Variants in ADAMTSL3 observed in about 807,000 individuals in gnomAD.
ADAMTSL3 encodes ADAMTS-like protein 3.
In ADAMTSL3, 128 loss-of-function variants were observed where a neutral mutation model predicts 201.7. The observed-to-expected ratio is 0.63, with a 90% CI of 0.55 to 0.73. ADAMTSL3 has a LOEUF of 0.73. Ranked by LOEUF, ADAMTSL3 falls within the 30% of genes least tolerant of loss-of-function variation. The pLI is 0.00. For missense variants in ADAMTSL3, 1,990 were observed against 2,119.6 expected, an observed-to-expected ratio of 0.94 and a Z score of 1.20; for synonymous variants, 738 against 748.4, an observed-to-expected ratio of 0.99 and a Z score of 0.23.
rs772513682 is a variant in ADAMTSL3 at position 83,804,702 on chromosome 15, CATAAA to C, written c.363+15_363+19del. 8.3e-6 allele frequency: 13 copies of C among 1,572,914 alleles called. No homozygotes were observed. In the African/African-American group the frequency reaches 1.6e-4, roughly 20 times the overall value. ...CAAGACATGCAGCAATCATGTAAGTCATAAAATAAAATTATTTTATCCAATACAAT... is the reference window on the plus strand; with the variant it reads ...CAAGACATGCAGCAATCATGTAAGTCATAAAATTATTTTATCCAATACAAT... On this transcript the variant is annotated splice_region_variant and intron_variant, in intron 5 of 29. Coordinates refer to ENST00000286744, the MANE Select transcript of ADAMTSL3 (RefSeq NM_207517.3).
In ADAMTSL3 at chr15:83,735,560, G is replaced by A. The variant is rs376658990; in HGVS notation, c.189+31052G>A. 9.6e-4 allele frequency among the ~76,000 whole-genome samples: 137 copies of A among 143,158 alleles called. 2 individuals are homozygous for A. The highest frequency in any genetic ancestry group is 4.8e-3 in the Admixed American group (63 of 13,176). 93.9% of individuals were successfully genotyped at this position (143,158 alleles called of 152,430 possible). On this transcript the variant is annotated intron_variant, in intron 3 of 29. Coordinates refer to ENST00000286744, the MANE Select transcript of ADAMTSL3 (RefSeq NM_207517.3). Reference sequence around the variant, plus strand: ...AGAAGCTTCTCCCATGAAGAATTTCGTTTTAAGTATTTATAAGGTCATCTT... The same window carrying A: ...AGAAGCTTCTCCCATGAAGAATTTCATTTTAAGTATTTATAAGGTCATCTT...
chr15:83,677,684 A>G (rs2061425551), intron 2 of ADAMTSL3, among the ~76,000 whole-genome samples: 2 of 152,086 alleles, frequency 1.3e-5, no homozygotes, highest in Admixed American at 6.5e-5. Flanking sequence ...TATAGAGAGC[A>G]TATGGTTGAG....
intron 6 of ADAMTSL3, among the ~76,000 whole-genome samples, chr15:83,834,835 A>T (rs1339755831): frequency 6.6e-6 from 1 of 152,218 alleles, no homozygotes; most frequent in Admixed American, 6.5e-5. Flanking sequence ...AATAAATTTT[A>T]TTGATATATC....
intron 23 of ADAMTSL3, among the ~76,000 whole-genome samples, chr15:84,003,638 A>G (rs1300944013): frequency 6.6e-6 from 1 of 152,146 alleles, no homozygotes; most frequent in Non-Finnish European, 1.5e-5. Flanking sequence ...CCAGGCAGTA[A>G]AAGTGAAGGG....
intron 16 of ADAMTSL3, among the ~76,000 whole-genome samples, chr15:83,915,202 C>G (rs1224145920): frequency 2.6e-5 from 4 of 152,180 alleles, no homozygotes; most frequent in Non-Finnish European, 5.9e-5. Flanking sequence ...CTTGTAATCT[C>G]AAGCTTTTAG....
intron 3 of ADAMTSL3, among the ~76,000 whole-genome samples, chr15:83,743,480 T>G (rs1188014418): frequency 7.7e-6 from 1 of 130,352 alleles, no homozygotes; most frequent in Non-Finnish European, 1.5e-5. Flanking sequence ...GCCACTGCAG[T>G]CCGCAGTCCG....
chr15:83,753,455 G>A (rs562911226), intron 3 of ADAMTSL3, among the ~76,000 whole-genome samples: 1 of 152,226 alleles, frequency 6.6e-6, no homozygotes, highest in Non-Finnish European at 1.5e-5. Context: ...ACTTACTTTG[G>A]TAGCTGTCAA....
intron 6 of ADAMTSL3, among the ~76,000 whole-genome samples, chr15:83,830,413 A>T (rs754153086): frequency 6.6e-5 from 10 of 152,216 alleles, no homozygotes; most frequent in Non-Finnish European, 1.2e-4. Context: ...ATAGCTTTCT[A>T]TATAGTAGCG....
intron 25 of ADAMTSL3, among the ~76,000 whole-genome samples, chr15:84,017,383 C>T (rs889652123): frequency 6.6e-6 from 1 of 152,200 alleles, no homozygotes; most frequent in Non-Finnish European, 1.5e-5. Flanking sequence ...TCCCAAAGTG[C>T]TGAGATTACA....
intron 26 of ADAMTSL3, among the ~76,000 whole-genome samples, chr15:84,023,681 C>T (rs1329359612): frequency 1.3e-5 from 2 of 152,178 alleles, no homozygotes; most frequent in Admixed American, 6.5e-5. Flanking sequence ...ATTGGGAAAT[C>T]TGTCAGCAGT....
At chr15:84,008,219 C>T (rs1346962497) in intron 23 of ADAMTSL3, among the ~76,000 whole-genome samples, 1 of 152,142 alleles carries the variant, frequency 6.6e-6, no homozygotes, top group Non-Finnish European at 1.5e-5. Context: ...AAGCAATTCT[C>T]CTGCCTCAGC....
chr15:83,818,608 T>G (rs1474176172), intron 5 of ADAMTSL3, among the ~76,000 whole-genome samples: 9 of 152,254 alleles, frequency 5.9e-5, no homozygotes, highest in Non-Finnish European at 1.5e-5. Context: ...ATTACAGACG[T>G]GAGCCACCAC....
intron 4 of ADAMTSL3, among the ~76,000 whole-genome samples, chr15:83,783,837 C>G (rs1378347043): frequency 6.7e-6 from 1 of 148,662 alleles, no homozygotes; most frequent in Non-Finnish European, 1.5e-5. Flanking sequence ...CATATATACT[C>G]TGTGTGTGTG....
intron 12 of ADAMTSL3, 94 bp from the exon 13 acceptor site, chr15:83,892,590 A>G (rs944003858): frequency 5.5e-5 from 69 of 1,259,834 alleles, no homozygotes; most frequent in Non-Finnish European, 7.4e-5. Context: ...CTGAACCACA[A>G]TTGATACCTT....
chr15:83,909,239 C>T (rs187645848), intron 15 of ADAMTSL3, among the ~76,000 whole-genome samples: 1 of 152,156 alleles, frequency 6.6e-6, no homozygotes, highest in African/African-American at 2.4e-5. Context: ...CTGTAAAGTC[C>T]CTTTTGCTGT....
At chr15:83,689,856 TTGAA>T (rs2061588711) in intron 2 of ADAMTSL3, among the ~76,000 whole-genome samples, 1 of 152,198 alleles carries the variant, frequency 6.6e-6, no homozygotes. Flanking sequence ...TATTTATACT[TTGAA>T]TGTTGTGTAG....
At chr15:83,714,787 T>C (rs866813992) in intron 3 of ADAMTSL3, among the ~76,000 whole-genome samples, 9 of 79,170 alleles carry the variant, frequency 1.1e-4, no homozygotes, top group Admixed American at 1.8e-4. Context: ...TTCTTTCTTT[T>C]TCTTTCTCTC....
At chr15:83,678,885 A>G (rs1386576336) in intron 2 of ADAMTSL3, among the ~76,000 whole-genome samples, 2 of 147,118 alleles carry the variant, frequency 1.4e-5, no homozygotes, top group African/African-American at 2.5e-5. Context: ...TGGATACAAA[A>G]CAAACTTCAG....
rs149689479 is a variant in ADAMTSL3, at chr15:83,835,530, G to A, written c.601-2559G>A. 2.1e-3 allele frequency among the ~76,000 whole-genome samples: 316 copies of A among 152,254 alleles called. 3 individuals carry two copies. The highest frequency in any genetic ancestry group is 7.4e-3 in the African/African-American group (306 of 41,536). On this transcript the variant is annotated intron_variant, in intron 6 of 29. Coordinates refer to ENST00000286744, the MANE Select transcript of ADAMTSL3 (RefSeq NM_207517.3). The stretch of plus-strand genomic sequence containing the variant: ...CACTCTTCAAAACAAGCCCCTCCTA[G>A]CTCCTAAGCCCACGCCCTTCCTGGA...
Sources: gnomAD v4.1 joint callset for allele counts (sites outside exome capture counted in the v4.1 genomes callset) on GRCh38, gnomAD v4.1.1 for gene constraint, MANE v1.5 for transcripts, NCBI Gene and HGNC (gene_info 2026-07-23, HGNC 2026-07-21) for gene names.